HSDL2: variants seen among roughly 807,000 people sequenced by gnomAD.
The protein encoded by HSDL2 is hydroxysteroid dehydrogenase like 2, also known as hydroxysteroid dehydrogenase-like protein 2.
HSDL2 carries 27 observed loss-of-function variants against 46.3 expected under a neutral mutation model. That is an observed-to-expected ratio of 0.58 (90% CI 0.43 to 0.80). The LOEUF (loss-of-function observed/expected upper bound fraction) is 0.80, where lower values mean the gene tolerates loss of function less well. Among genes scored for constraint, HSDL2 ranks in the 30% least tolerant of loss-of-function variants. The pLI is 0.00. For missense variants in HSDL2, 451 were observed against 502.7 expected (o/e 0.90, Z 0.98); for synonymous variants, 153 against 163.6 (o/e 0.94, Z 0.50).
intron 1 of HSDL2, among the ~76,000 whole-genome samples, chr9:112,385,588 C>G (rs1230403043): frequency 1.1e-4 from 3 of 26,568 alleles, no homozygotes; most frequent in Non-Finnish European, 2.7e-4. Flanking sequence ...TTCCAGGGTT[C>G]AAGCAATTCT....
chr9:112,395,168 G>A (rs1006893148), intron 1 of HSDL2, among the ~76,000 whole-genome samples: 1 of 152,138 alleles, frequency 6.6e-6, no homozygotes, highest in African/African-American at 2.4e-5. Flanking sequence ...TAGGAGATGT[G>A]GGATTAGTTA....
intron 10 of HSDL2, among the ~76,000 whole-genome samples, chr9:112,467,855 T>TA (rs1441140027): frequency 2.0e-5 from 3 of 152,226 alleles, no homozygotes; most frequent in Non-Finnish European, 4.4e-5. Flanking sequence ...TTAAGCCTGC[T>TA]ACACAGCTGT....
intron 7 of HSDL2, chr9:112,438,835 GATATAT>G (rs10553470): frequency 0.058 from 13,549 of 231,978 alleles, 160 homozygotes; most frequent in African/African-American, 0.088. Context: ...CTTTTGAAGT[GATATAT>G]ATATATATAT....
At chr9:112,424,280 C>T (rs1050547267) in intron 6 of HSDL2, among the ~76,000 whole-genome samples, 3 of 148,734 alleles carry the variant, frequency 2.0e-5, no homozygotes, top group Admixed American at 6.7e-5. Flanking sequence ...GAGATCGTGC[C>T]ACTGCACTCC....
Position 112,444,112 on chromosome 9 carries a change from G to A in HSDL2, c.865+2342G>A, listed in dbSNP as rs769305199. On this transcript the variant is annotated intron_variant, in intron 8 of 10. Coordinates refer to ENST00000398805, the MANE Select transcript of HSDL2 (RefSeq NM_032303.5). Reference sequence around the variant, plus strand: ...TCTGTAGCTCTCTTTTTTTGATTCTGTGTGGTTCAGTCAATAGCAATTTTA... The same window carrying A: ...TCTGTAGCTCTCTTTTTTTGATTCTATGTGGTTCAGTCAATAGCAATTTTA... 2.1e-3 allele frequency among the ~76,000 whole-genome samples: 323 copies of A among 152,290 alleles called. 3 individuals are homozygous for A. Among genetic ancestry groups the A allele is most frequent in the Non-Finnish European group, 2.0e-3 (136 of 68,004 alleles).
chr9:112,402,464 G>T (rs1051590136), intron 1 of HSDL2, among the ~76,000 whole-genome samples: 5 of 150,314 alleles, frequency 3.3e-5, no homozygotes, highest in African/African-American at 1.2e-4. Flanking sequence ...AGGCTGAGAT[G>T]GGAAGATCAT....
chr9:112,388,461 A>T (rs1168582998), intron 1 of HSDL2, among the ~76,000 whole-genome samples: 28 of 3,928 alleles, frequency 7.1e-3, no homozygotes, highest in African/African-American at 0.021. Flanking sequence ...ACTCCATCTC[A>T]AAAAAAAAAA....
chr9:112,386,387 C>T (rs1445462540), intron 1 of HSDL2, among the ~76,000 whole-genome samples: 4 of 151,698 alleles, frequency 2.6e-5, no homozygotes, highest in African/African-American at 4.8e-5. Flanking sequence ...CGTTATTTGC[C>T]GATGATATTA....
intron 4 of HSDL2, among the ~76,000 whole-genome samples, chr9:112,412,983 T>G (rs375104882): frequency 6.6e-6 from 1 of 151,980 alleles, no homozygotes; most frequent in South Asian, 2.1e-4. Flanking sequence ...CGCACAAAGA[T>G]TCTATTCACT....
chr9:112,454,898 G>T (rs988538815), intron 9 of HSDL2, among the ~76,000 whole-genome samples: 9 of 151,678 alleles, frequency 5.9e-5, no homozygotes, highest in African/African-American at 2.2e-4. Context: ...TAGAGGTGGG[G>T]TTTTGCCATG....
rs576966322 is a variant in HSDL2, at chr9:112,432,477, A to C, written c.599-5954A>C. 9.2e-5 allele frequency among the ~76,000 whole-genome samples: 14 copies of C among 152,336 alleles called. No homozygotes were observed. The South Asian group carries it at 2.9e-3, about 32-fold the overall frequency. Reference sequence around the variant, plus strand: ...TGATGAGTGAGTAAATGAGTGAATGAATGTGCAATATGATTACCTTCTGCC... The same window carrying C: ...TGATGAGTGAGTAAATGAGTGAATGCATGTGCAATATGATTACCTTCTGCC... On this transcript the variant is annotated intron_variant, in intron 6 of 10. Coordinates refer to ENST00000398805, the MANE Select transcript of HSDL2 (RefSeq NM_032303.5).
chr9:112,441,858 G>A (rs1832645782), intron 8 of HSDL2, 88 bp downstream of exon 8: 1 of 804,916 alleles, frequency 1.2e-6, no homozygotes, highest in African/African-American at 1.7e-5. Context: ...CTATAACAGT[G>A]ACATTTCTGC....
chr9:112,394,798 T>C (rs143106485), intron 1 of HSDL2, among the ~76,000 whole-genome samples: 1,682 of 152,218 alleles, frequency 0.011, 38 homozygotes, highest in African/African-American at 0.039. Flanking sequence ...TTATAACCCA[T>C]AGTAACATTA....
chr9:112,470,500 A>T lies in HSDL2; in HGVS notation c.1213A>T (p.Ile405Phe), dbSNP rs1245097145. The change falls in exon 11 of 11, where the codon ATC (isoleucine) becomes TTC (phenylalanine). Residue 405 changes from isoleucine (I) to phenylalanine (F), a missense_variant. Physicochemically the swap from Ile to Phe is conservative, Grantham distance 21. Coordinates refer to ENST00000398805, the MANE Select transcript of HSDL2 (RefSeq NM_032303.5). The part of the protein sequence containing the change: ...LKIKGNMALA[I>F]KLEKLMNQMN... ...GATTAAAGGTAACATGGCCCTAGCA[A>T]TCAAATTGGAGAAGCTAATGAATCA... 6.2e-7 allele frequency: 1 copy of T among 1,611,652 alleles called. No individual in the cohort carries two copies. Among genetic ancestry groups the T allele is most frequent in the South Asian group, 1.1e-5 (1 of 90,842 alleles).
At chr9:112,423,091 A>G (rs1832160902) in intron 6 of HSDL2, among the ~76,000 whole-genome samples, 1 of 152,234 alleles carries the variant, frequency 6.6e-6, no homozygotes, top group Non-Finnish European at 1.5e-5. Context: ...TTTTCAAGAT[A>G]GGAGTCAGAA....
At position 112,459,564 on chromosome 9, in the gene HSDL2, A is replaced by G; in HGVS notation, c.1131A>G (p.Val377=). The G allele has an allele frequency of 1.2e-6, 2 of 1,613,484 alleles. No homozygotes were observed. Among genetic ancestry groups the G allele is most frequent in the Non-Finnish European group, 1.7e-6 (2 of 1,179,502 alleles). The change falls in exon 10 of 11, where the codon GTA becomes GTG. Residue 377 remains valine (V), a synonymous_variant. Coordinates refer to ENST00000398805, the MANE Select transcript of HSDL2 (RefSeq NM_032303.5). The stretch of plus-strand genomic sequence containing the variant: ...TGAGTATGACTACTGATGACTTTGT[A>G]AAAATGTTTTCAGGTGAGTTTTCCA... ...VVMSMTTDDF[V]KMFSGKLKPT...
At chr9:112,443,130 G>T (rs1167979693) in intron 8 of HSDL2, among the ~76,000 whole-genome samples, 1 of 152,216 alleles carries the variant, frequency 6.6e-6, no homozygotes, top group South Asian at 2.1e-4. Context: ...CTTCAAGTTA[G>T]TTAAGTCCCA....
chr9:112,392,788 A>G (rs1431125635), intron 1 of HSDL2, among the ~76,000 whole-genome samples: 1 of 152,240 alleles, frequency 6.6e-6, no homozygotes, highest in Non-Finnish European at 1.5e-5. Flanking sequence ...AGTTAACACA[A>G]TTATCACAGT....
At chr9:112,449,594 T>C (rs1832833337) in intron 8 of HSDL2, among the ~76,000 whole-genome samples, 1 of 152,112 alleles carries the variant, frequency 6.6e-6, no homozygotes, top group Non-Finnish European at 1.5e-5. Context: ...CCGGGTGCGG[T>C]GGCTCATGCC....
Sources: allele counts gnomAD v4.1 joint callset (sites outside exome capture counted in the v4.1 genomes callset), GRCh38; gene constraint gnomAD v4.1.1; transcripts MANE v1.5; gene names NCBI Gene and HGNC (gene_info 2026-07-23, HGNC 2026-07-21).